ROBO2: variants seen among roughly 807,000 people sequenced by gnomAD.
The protein encoded by ROBO2 is roundabout homolog 2.
ROBO2 carries 53 observed loss-of-function variants against 160.8 expected under a neutral mutation model. That is an observed-to-expected ratio of 0.33 (90% CI 0.26 to 0.41). ROBO2 has a LOEUF of 0.41. Ranked by LOEUF, ROBO2 falls within the 10% of genes least tolerant of loss-of-function variation. The pLI, the probability that ROBO2 is intolerant of heterozygous loss-of-function variation, is 1.00. For missense variants in ROBO2, 1,577 were observed against 1,722.4 expected, an observed-to-expected ratio of 0.92 and a Z score of 1.49; for synonymous variants, 664 against 611.7, an observed-to-expected ratio of 1.09 and a Z score of -1.26.
chr3:77,616,889 G>T (rs1458761160), intron 21 of ROBO2, among the ~76,000 whole-genome samples: 2 of 151,996 alleles, frequency 1.3e-5, no homozygotes, highest in African/African-American at 4.8e-5. Flanking sequence ...TACAATAAAA[G>T]TATTATTTTT....
chr3:75,950,211 A>G (rs1257132669), intron 2 of ROBO2, among the ~76,000 whole-genome samples: 2 of 152,084 alleles, frequency 1.3e-5, no homozygotes, highest in Non-Finnish European at 2.9e-5. Flanking sequence ...GAAAAATAAA[A>G]CAAGAAACAA....
At chr3:76,018,243 A>G (rs1210084696) in intron 2 of ROBO2, among the ~76,000 whole-genome samples, 2 of 152,050 alleles carry the variant, frequency 1.3e-5, no homozygotes, top group Admixed American at 6.6e-5. Context: ...TAAGTAAAAC[A>G]TGGTGAATGT....
At chr3:76,127,605 T>C (rs6784961) in intron 2 of ROBO2, among the ~76,000 whole-genome samples, 118,885 of 151,370 alleles carry the variant, frequency 0.79, 49,312 homozygotes, top group Non-Finnish European at 0.94. Context: ...AAAATATATA[T>C]ATATATATAC....
At chr3:77,199,291 T>A (rs752921338) in intron 2 of ROBO2, among the ~76,000 whole-genome samples, 3 of 152,214 alleles carry the variant, frequency 2.0e-5, no homozygotes, top group Non-Finnish European at 4.4e-5. Flanking sequence ...AAGTCTTAAA[T>A]CATCATTGCC....
chr3:76,431,971 C>T (rs1319896809), intron 2 of ROBO2, among the ~76,000 whole-genome samples: 3 of 152,064 alleles, frequency 2.0e-5, no homozygotes, highest in Non-Finnish European at 4.4e-5. Flanking sequence ...GACTCCTAGG[C>T]ACAGGTGTTA....
At chr3:75,997,853 A>G (rs1212393577) in intron 2 of ROBO2, among the ~76,000 whole-genome samples, 3 of 152,092 alleles carry the variant, frequency 2.0e-5, no homozygotes, top group Admixed American at 6.5e-5. Context: ...TCTAATTGGT[A>G]TTCACTTCCA....
At chr3:76,151,915 CAT>C (rs1309026939) in intron 2 of ROBO2, among the ~76,000 whole-genome samples, 1 of 152,156 alleles carries the variant, frequency 6.6e-6, no homozygotes, top group Non-Finnish European at 1.5e-5. Flanking sequence ...AAAATAAAAA[CAT>C]GAGTATTGAT....
At chr3:76,177,263 A>T (rs2073265505) in intron 2 of ROBO2, among the ~76,000 whole-genome samples, 1 of 152,172 alleles carries the variant, frequency 6.6e-6, no homozygotes, top group Admixed American at 6.5e-5. Context: ...TAAATTGGGT[A>T]TAATAAACAT....
Position 77,640,403 on chromosome 3 carries a change from T to C in ROBO2, c.3935-4301T>C, listed in dbSNP as rs192186094. On this transcript the variant is annotated intron_variant, in intron 24 of 25. Transcript: ENST00000461745. The stretch of plus-strand genomic sequence containing the variant: ...GCTGCGATTTACAGGCGTGAGCCAC[T>C]GCGCCCGGCCGCATATTTTATATAG... Among the ~76,000 whole-genome samples, 210 of 152,306 alleles carry C rather than the reference T, an allele frequency of 1.4e-3. 1 individual carries two copies. Among genetic ancestry groups the C allele is most frequent in the African/African-American group, 4.8e-3 (199 of 41,590 alleles).
chr3:76,118,866 C>T (rs937055595), intron 2 of ROBO2, among the ~76,000 whole-genome samples: 4 of 152,074 alleles, frequency 2.6e-5, no homozygotes, highest in Non-Finnish European at 5.9e-5. Context: ...AAATGGGCAC[C>T]GTTTAATTAA....
intron 2 of ROBO2, among the ~76,000 whole-genome samples, chr3:77,240,324 G>T (rs1174246680): frequency 6.6e-6 from 1 of 152,170 alleles, no homozygotes; most frequent in Non-Finnish European, 1.5e-5. Context: ...GCAGCTGCTG[G>T]CCCAGGTGCT....
intron 24 of ROBO2, among the ~76,000 whole-genome samples, chr3:77,638,815 T>G (rs2153720789): frequency 7.2e-6 from 1 of 139,496 alleles, no homozygotes; most frequent in East Asian, 2.2e-4. Context: ...CCCTTTCACC[T>G]AGCTTTTTTT....
At chr3:76,869,024 AT>A (rs903256192) in intron 2 of ROBO2, among the ~76,000 whole-genome samples, 16 of 151,918 alleles carry the variant, frequency 1.1e-4, no homozygotes, top group Non-Finnish European at 2.2e-4. Flanking sequence ...CATTCTGTGC[AT>A]TTTTTTTCTA....
intron 2 of ROBO2, among the ~76,000 whole-genome samples, chr3:77,381,240 G>A (rs376080355): frequency 6.6e-6 from 1 of 152,084 alleles, no homozygotes; most frequent in East Asian, 1.9e-4. Context: ...GCTTGAACCC[G>A]GGAGGCGGAG....
chr3:76,703,698 C>G (rs1461017141), intron 2 of ROBO2, among the ~76,000 whole-genome samples: 1 of 152,038 alleles, frequency 6.6e-6, no homozygotes, highest in East Asian at 1.9e-4. Flanking sequence ...TGAACTCATT[C>G]TTTTTTATGG....
At chr3:77,434,039 A>G (rs1293233622) in intron 2 of ROBO2, among the ~76,000 whole-genome samples, 1 of 152,040 alleles carries the variant, frequency 6.6e-6, no homozygotes, top group African/African-American at 2.4e-5. Flanking sequence ...CTTCGCACCA[A>G]TCATGTTGCT....
intron 2 of ROBO2, among the ~76,000 whole-genome samples, chr3:76,835,402 A>G (rs1260078980): frequency 6.8e-6 from 1 of 147,480 alleles, no homozygotes; most frequent in Non-Finnish European, 1.5e-5. Context: ...ATTATATATA[A>G]TAATATATAA....
At chr3:76,253,102 G>A (rs1706139283) in intron 2 of ROBO2, among the ~76,000 whole-genome samples, 1 of 151,836 alleles carries the variant, frequency 6.6e-6, no homozygotes, top group Admixed American at 6.6e-5. Context: ...TAAATAACTG[G>A]TACTACAGTC....
At chr3:76,288,633 C>G (rs1223994714) in intron 2 of ROBO2, among the ~76,000 whole-genome samples, 1 of 152,126 alleles carries the variant, frequency 6.6e-6, no homozygotes, top group Non-Finnish European at 1.5e-5. Flanking sequence ...AATCTTCGCT[C>G]TCATCCCATT....
Sources: gnomAD v4.1 joint callset for allele counts (sites outside exome capture counted in the v4.1 genomes callset) on GRCh38, gnomAD v4.1.1 for gene constraint, MANE v1.5 for transcripts, NCBI Gene and HGNC (gene_info 2026-07-23, HGNC 2026-07-21) for gene names.